Variants in AK3 observed in about 807,000 individuals in gnomAD.
AK3 encodes the protein GTP:AMP phosphotransferase AK3, mitochondrial.
Under a neutral mutation model 23.7 loss-of-function variants are expected in AK3, and 27 were observed. The ratio of observed to expected loss-of-function variants is 1.14; its 90% CI spans 0.84 to 1.57. AK3 has a LOEUF of 1.57. Ranked by LOEUF, AK3 falls within the 40% of genes most tolerant of loss-of-function variation. The pLI, the probability that AK3 is intolerant of heterozygous loss-of-function variation, is 0.00. For missense variants in AK3, 406 were observed against 285.6 expected, an observed-to-expected ratio of 1.42 and a Z score of -3.04; for synonymous variants, 159 against 116.0, an observed-to-expected ratio of 1.37 and a Z score of -2.38.
At chr9:4,732,253 A>T (rs1037542164) in intron 1 of AK3, among the ~76,000 whole-genome samples, 2 of 152,262 alleles carry the variant, frequency 1.3e-5, no homozygotes, top group South Asian at 4.1e-4. Flanking sequence ...ATGGCTGATA[A>T]TTTCTTAATA....
In AK3 at chr9:4,722,519, G is replaced by C. The variant is rs370765513; in HGVS notation, c.258C>G (p.Ser86Arg). ...GACTCCACTTACCATCCAACAGCCA[G>C]CTATACTGGGTGAGATTTTTCAGCT... ...LHELKNLTQYSWLLDGFPRTL... is the reference protein window; with the variant it reads ...LHELKNLTQYRWLLDGFPRTL... Residue 86 changes from serine to arginine, a missense_variant, in exon 2 of 5, where the codon AGC becomes AGG. Transcript: ENST00000381809. 5.6e-6 allele frequency: 9 copies of C among 1,614,016 alleles called. No homozygotes were observed. The African/African-American group carries it at 1.1e-4, about 19-fold the overall frequency.
rs1372480310 is a variant in AK3 at position 4,712,455 on chromosome 9, A to C, written c.*521T>G. 1 of 152,366 alleles carries C rather than the reference A, an allele frequency of 6.6e-6. No homozygotes were observed. The highest frequency in any genetic ancestry group is 2.4e-5 in the African/African-American group (1 of 41,476). 9.4% of individuals were successfully genotyped at this position (152,366 alleles called of 1,614,324 possible). On this transcript the variant is annotated 3_prime_UTR_variant, in exon 5 of 5. Transcript: ENST00000381809. ...CATATACATTTCTTAGTGTAAAGGC[A>C]GCAGTGAATTTGTGTCTCACAATAA...
chr9:4,714,363 A>C (rs1841663756), intron 4 of AK3, among the ~76,000 whole-genome samples: 1 of 152,224 alleles, frequency 6.6e-6, no homozygotes, highest in Non-Finnish European at 1.5e-5. Flanking sequence ...GGACAAAAGC[A>C]TTCTTCCCTT....
intron 1 of AK3, among the ~76,000 whole-genome samples, chr9:4,731,245 T>C (rs955379087): frequency 6.6e-6 from 1 of 152,284 alleles, no homozygotes. Context: ...GCATTAGTTA[T>C]TTTTCCTGAT....
rs1434196660 is a variant in AK3 at position 4,712,445 on chromosome 9, G to C, written c.*531C>G. The C allele has an allele frequency of 6.6e-6, 1 of 152,256 alleles. No individual in the cohort carries two copies. Among genetic ancestry groups the C allele is most frequent in the Non-Finnish European group, 1.5e-5 (1 of 68,110 alleles). 9.4% of individuals were successfully genotyped at this position (152,256 alleles called of 1,614,324 possible). A position where few individuals can be genotyped will look rare whatever the true frequency, so the allele number is the denominator to read the frequency against. ...ATATGGTTAACATATACATTTCTTA[G>C]TGTAAAGGCAGCAGTGAATTTGTGT... On this transcript the variant is annotated 3_prime_UTR_variant, in exon 5 of 5. Coordinates refer to ENST00000381809, the MANE Select transcript of AK3 (RefSeq NM_016282.4).
At chr9:4,733,933 C>A (rs77222416) in intron 1 of AK3, among the ~76,000 whole-genome samples, 1 of 152,220 alleles carries the variant, frequency 6.6e-6, no homozygotes, top group African/African-American at 2.4e-5. Flanking sequence ...GAAGCTCCCC[C>A]TCTGGACTTC....
At chr9:4,723,555 C>T (rs1841953851) in intron 1 of AK3, among the ~76,000 whole-genome samples, 1 of 152,100 alleles carries the variant, frequency 6.6e-6, no homozygotes, top group South Asian at 2.1e-4. Flanking sequence ...ATTTTAATTT[C>T]TTCATGTTCC....
intron 1 of AK3, among the ~76,000 whole-genome samples, chr9:4,723,621 C>A (rs990584734): frequency 4.6e-5 from 7 of 152,142 alleles, no homozygotes; most frequent in African/African-American, 1.7e-4. Context: ...ATCTGCGTAT[C>A]TACAATTTTA....
chr9:4,737,020 C>A (rs914903880), intron 1 of AK3, among the ~76,000 whole-genome samples: 1 of 151,978 alleles, frequency 6.6e-6, no homozygotes, highest in Non-Finnish European at 1.5e-5. Context: ...GTGCAGCTTT[C>A]TCAGACTAAG....
In AK3 at chr9:4,719,150, G is replaced by A; in HGVS notation, c.429C>T (p.Asn143=). ...AACTACTCACCACAGTTTTGGGAGGGTTGAATTCAATGTTATAGACTCGGC... is the reference window on the plus strand; with the variant it reads ...AACTACTCACCACAGTTTTGGGAGGATTGAATTCAATGTTATAGACTCGGC... The part of the protein sequence containing the change: ...ASGRVYNIEF[N]PPKTVGIDDL... The change falls in exon 3 of 5, where the codon AAC becomes AAT. Residue 143 remains asparagine (N), a synonymous_variant. Transcript: ENST00000381809. The A allele has an allele frequency of 6.2e-7, 1 of 1,611,880 alleles. No individual in the cohort carries two copies. The highest frequency in any genetic ancestry group is 8.5e-7 in the Non-Finnish European group (1 of 1,179,824).
At chr9:4,715,461 C>T (rs1230719913) in intron 4 of AK3, among the ~76,000 whole-genome samples, 3 of 145,862 alleles carry the variant, frequency 2.1e-5, no homozygotes, top group Non-Finnish European at 3.0e-5. Context: ...GTGGAGCAAT[C>T]ATAGATCACT....
rs1173471085 is a variant in AK3, at chr9:4,711,586, A to C, written c.*1390T>G. On this transcript the variant is annotated 3_prime_UTR_variant, in exon 5 of 5. Coordinates refer to ENST00000381809, the MANE Select transcript of AK3 (RefSeq NM_016282.4). ...TAAGTACCTGGGAAAAAAACGGAAC[A>C]GATTTTTAAAGGCAATAACGACTTG... The C allele has an allele frequency of 6.6e-6, 1 of 152,418 alleles. No individual in the cohort carries two copies. The highest frequency in any genetic ancestry group is 1.5e-5 in the Non-Finnish European group (1 of 68,042). The allele number at this position is 152,418 out of a possible 1,614,324, so 9.4% of individuals were successfully genotyped here.
At chr9:4,727,581 A>G (rs1469964675) in intron 1 of AK3, among the ~76,000 whole-genome samples, 1 of 152,156 alleles carries the variant, frequency 6.6e-6, no homozygotes, top group Non-Finnish European at 1.5e-5. Flanking sequence ...GGCTTAATGG[A>G]TGATGTGGCT....
intron 1 of AK3, among the ~76,000 whole-genome samples, chr9:4,733,856 T>C (rs2130907808): frequency 6.6e-6 from 1 of 152,280 alleles, no homozygotes; most frequent in South Asian, 2.1e-4. Flanking sequence ...AAGCTCTTAT[T>C]GATTTTTCAA....
rs1160935522 is a variant in AK3, at chr9:4,709,773, A to G, written c.*3203T>C. On this transcript the variant is annotated 3_prime_UTR_variant, in exon 5 of 5. Coordinates refer to ENST00000381809, the MANE Select transcript of AK3 (RefSeq NM_016282.4). ...AAGATGAAAATCTTTAACTGCAAAG[A>G]TAGAAAAGCTATTTCTACAGTTTAT... 1 of 152,226 alleles carries G rather than the reference A, an allele frequency of 6.6e-6. No individual in the cohort carries two copies. Among genetic ancestry groups the G allele is most frequent in the African/African-American group, 2.4e-5 (1 of 41,450 alleles). The allele number at this position is 152,226 out of a possible 1,614,324, so 9.4% of individuals were successfully genotyped here.
chr9:4,737,339 G>A lies in AK3; in HGVS notation c.151+3598C>T, dbSNP rs115898295. On this transcript the variant is annotated intron_variant, in intron 1 of 4. Transcript: ENST00000381809. ...ATGTCTATCTCATGAATCTCAATGT[G>A]GGAAATACTGCATAGAGAAAAGAGT... Among the ~76,000 whole-genome samples the A allele has an allele frequency of 9.4e-4, 143 of 152,150 alleles. 1 individual carries two copies. The highest frequency in any genetic ancestry group is 3.3e-3 in the African/African-American group (138 of 41,490).
intron 1 of AK3, among the ~76,000 whole-genome samples, chr9:4,734,094 G>C (rs1842215801): frequency 6.6e-6 from 1 of 152,152 alleles, no homozygotes; most frequent in Admixed American, 6.5e-5. Flanking sequence ...CTTTAAAGGA[G>C]GTAACTAAGA....
chr9:4,731,424 C>T (rs1401996806), intron 1 of AK3, among the ~76,000 whole-genome samples: 7 of 152,146 alleles, frequency 4.6e-5, no homozygotes, highest in Admixed American at 6.5e-5. Context: ...CCAGCTCCAT[C>T]CATGTCCCTG....
At chr9:4,735,396 TATAC>T (rs1187146555) in intron 1 of AK3, among the ~76,000 whole-genome samples, 12 of 101,986 alleles carry the variant, frequency 1.2e-4, no homozygotes, top group African/African-American at 4.9e-4. Context: ...TATAAATATA[TATAC>T]ATATATAAAT....
Sources: allele counts gnomAD v4.1 joint callset (sites outside exome capture counted in the v4.1 genomes callset), GRCh38; gene constraint gnomAD v4.1.1; transcripts MANE v1.5; gene names NCBI Gene and HGNC (gene_info 2026-07-23, HGNC 2026-07-21).